CPED1: variants seen among roughly 807,000 people sequenced by gnomAD.
CPED1 encodes the protein cadherin-like and PC-esterase domain-containing protein 1.
In CPED1, 114 loss-of-function variants were observed where a neutral mutation model predicts 128.2. That is an observed-to-expected ratio of 0.89 (90% CI 0.76 to 1.04). The LOEUF (loss-of-function observed/expected upper bound fraction) is 1.04, where lower values mean the gene tolerates loss of function less well. CPED1 is among the 50% of genes least tolerant of loss of function. CPED1 has a pLI of 0.00. For missense variants in CPED1, 1,211 were observed against 1,207.1 expected, an observed-to-expected ratio of 1.00 and a Z score of -0.05; for synonymous variants, 462 against 426.7, an observed-to-expected ratio of 1.08 and a Z score of -1.02.
intron 21 of CPED1, among the ~76,000 whole-genome samples, chr7:121,267,885 T>C (rs1792162577): frequency 6.6e-6 from 1 of 151,990 alleles, no homozygotes; most frequent in Non-Finnish European, 1.5e-5. Flanking sequence ...CCATTTAATA[T>C]GTAAGGAGGT....
intron 3 of CPED1, among the ~76,000 whole-genome samples, chr7:121,040,029 G>A (rs1467985037): frequency 1.3e-5 from 2 of 152,048 alleles, no homozygotes; most frequent in Non-Finnish European, 2.9e-5. Flanking sequence ...GGACAGGAAA[G>A]CCTGATCCCT....
At chr7:121,133,561 G>A (rs1157650837) in intron 12 of CPED1, among the ~76,000 whole-genome samples, 1 of 152,022 alleles carries the variant, frequency 6.6e-6, no homozygotes, top group African/African-American at 2.4e-5. Context: ...CAAGCTATCT[G>A]AGATTCCTCA....
intron 5 of CPED1, among the ~76,000 whole-genome samples, chr7:121,088,030 GC>G (rs1339252142): frequency 6.6e-6 from 1 of 152,012 alleles, no homozygotes; most frequent in East Asian, 1.9e-4. Flanking sequence ...GACATTGAGT[GC>G]TACAAAATTA....
intron 11 of CPED1, among the ~76,000 whole-genome samples, chr7:121,129,037 T>C (rs1045916859): frequency 2.6e-5 from 4 of 151,828 alleles, no homozygotes; most frequent in Non-Finnish European, 4.4e-5. Flanking sequence ...CTTCTATGTA[T>C]TTTGTTAATT....
chr7:121,214,224 C>T (rs552553000), intron 16 of CPED1, among the ~76,000 whole-genome samples: 1 of 152,002 alleles, frequency 6.6e-6, no homozygotes, highest in Non-Finnish European at 1.5e-5. Flanking sequence ...AAACTCACAT[C>T]TTTCTCTGTG....
intron 22 of CPED1, among the ~76,000 whole-genome samples, chr7:121,274,782 GC>G (rs930387653): frequency 6.6e-6 from 1 of 152,038 alleles, no homozygotes; most frequent in Admixed American, 6.6e-5. Flanking sequence ...TGATGTAATA[GC>G]AATGTTAGCT....
chr7:121,215,231 C>T (rs1305276700), intron 16 of CPED1, among the ~76,000 whole-genome samples: 2 of 151,998 alleles, frequency 1.3e-5, no homozygotes, highest in African/African-American at 4.8e-5. Flanking sequence ...TTTGATGTGT[C>T]AGTTGCACTC....
At chr7:121,233,048 CTG>C (rs765561138) in intron 16 of CPED1, among the ~76,000 whole-genome samples, 2 of 152,052 alleles carry the variant, frequency 1.3e-5, no homozygotes, top group Non-Finnish European at 2.9e-5. Flanking sequence ...TAATGAGAAA[CTG>C]TGATCAGGCA....
intron 21 of CPED1, among the ~76,000 whole-genome samples, chr7:121,267,618 G>A (rs1045954171): frequency 7.9e-5 from 12 of 152,008 alleles, no homozygotes; most frequent in African/African-American, 2.9e-4. Flanking sequence ...CTTTGAAGTA[G>A]TATCATTGGT....
At chr7:121,213,196 T>G (rs942437977) in intron 16 of CPED1, among the ~76,000 whole-genome samples, 1 of 152,066 alleles carries the variant, frequency 6.6e-6, no homozygotes, top group African/African-American at 2.4e-5. Context: ...TTTGTTTTAT[T>G]TTTCAGTCTA....
intron 5 of CPED1, among the ~76,000 whole-genome samples, chr7:121,068,449 G>T (rs1240203990): frequency 4.0e-5 from 6 of 151,590 alleles, no homozygotes; most frequent in Non-Finnish European, 8.8e-5. Context: ...ATTTCTGAGG[G>T]CTCTGTTCTG....
At position 121,098,213 on chromosome 7, in the gene CPED1, G is replaced by A. The variant is rs996099808; in HGVS notation, c.749+382G>A. The stretch of plus-strand genomic sequence containing the variant: ...TCTGCTATTTTTTTTATGGCTCTTA[G>A]CATCTAAGAAAGCATCTGCTGTGTA... On this transcript the variant is annotated intron_variant, in intron 6 of 22. Coordinates refer to ENST00000310396, the MANE Select transcript of CPED1 (RefSeq NM_024913.5). Among the ~76,000 whole-genome samples the A allele has an allele frequency of 1.4e-4, 21 of 151,848 alleles. No homozygotes were observed. In the East Asian group the frequency reaches 4.1e-3, roughly 29 times the overall value.
At chr7:121,292,342 C>T (rs1584659551) in intron 22 of CPED1, among the ~76,000 whole-genome samples, 1 of 151,682 alleles carries the variant, frequency 6.6e-6, no homozygotes, top group Non-Finnish European at 1.5e-5. Flanking sequence ...ATGAAGTTCT[C>T]GTGCTGTGTT....
intron 17 of CPED1, among the ~76,000 whole-genome samples, chr7:121,239,334 G>A (rs1411026999): frequency 1.3e-5 from 2 of 151,880 alleles, no homozygotes; most frequent in African/African-American, 2.4e-5. Flanking sequence ...ACTTTTGAAT[G>A]ATTGTATTTT....
chr7:121,085,403 A>G (rs1584500976), intron 5 of CPED1, among the ~76,000 whole-genome samples: 2 of 152,344 alleles, frequency 1.3e-5, no homozygotes, highest in Middle Eastern at 3.4e-3. Context: ...TCAGTTCAGT[A>G]GGCAAAATCC....
chr7:121,247,743 T>C (rs77659599), intron 18 of CPED1, among the ~76,000 whole-genome samples: 15,944 of 152,216 alleles, frequency 0.1, 1,109 homozygotes, highest in African/African-American at 0.19. Flanking sequence ...AGATGGTACC[T>C]GAGCCAGTGC....
intron 2 of CPED1, among the ~76,000 whole-genome samples, chr7:121,005,245 C>T (rs537881846): frequency 5.3e-5 from 8 of 152,156 alleles, no homozygotes; most frequent in Non-Finnish European, 1.0e-4. Context: ...CATGTCCCTG[C>T]AAAGGACATG....
At chr7:121,050,561 T>A (rs1793322932) in intron 4 of CPED1, 3 of 202,296 alleles carry the variant, frequency 1.5e-5, no homozygotes. Flanking sequence ...CCTCCCAGGT[T>A]CAAGCAATTC....
At chr7:121,277,288 ATGT>A (rs1196319877) in intron 22 of CPED1, among the ~76,000 whole-genome samples, 2 of 152,148 alleles carry the variant, frequency 1.3e-5, no homozygotes. Context: ...AATTTTGAAC[ATGT>A]TGTATTTGAG....
Sources: gnomAD v4.1 joint callset for allele counts (sites outside exome capture counted in the v4.1 genomes callset) on GRCh38, gnomAD v4.1.1 for gene constraint, MANE v1.5 for transcripts, NCBI Gene and HGNC (gene_info 2026-07-23, HGNC 2026-07-21) for gene names.